HCN1: variants seen among roughly 807,000 people sequenced by gnomAD.
HCN1 encodes the protein hyperpolarization activated cyclic nucleotide gated potassium channel 1, also known as potassium/sodium hyperpolarization-activated cyclic nucleotide-gated channel 1.
HCN1 carries 13 observed loss-of-function variants against 78.9 expected under a neutral mutation model. That is an observed-to-expected ratio of 0.16 (90% CI 0.11 to 0.26). HCN1 has a LOEUF of 0.26. HCN1 is among the 10% of genes least tolerant of loss of function. The probability of loss-of-function intolerance (pLI) is 1.00; values close to 1 mark genes in which losing one functional copy is unlikely to be tolerated. For synonymous variants in HCN1, 552 were observed against 455.5 expected, an observed-to-expected ratio of 1.21 and a Z score of -2.70; for missense variants, 810 against 1,154.3, an observed-to-expected ratio of 0.70 and a Z score of 4.32.
intron 2 of HCN1, among the ~76,000 whole-genome samples, chr5:45,636,685 A>G (rs1341473781): frequency 3.9e-5 from 6 of 152,066 alleles, no homozygotes; most frequent in African/African-American, 1.4e-4. Context: ...CTGTCTGTAC[A>G]AAAGAAAAAT....
At position 45,451,536 on chromosome 5, in the gene HCN1, A is replaced by G. The variant is rs953126745; in HGVS notation, c.1011+10310T>C. ...CAGAATTACAAAAGTTGTAGACTAA[A>G]TGTAATCATAAATAAATGGCACATT... On this transcript the variant is annotated intron_variant, in intron 3 of 7. Coordinates refer to ENST00000303230, the MANE Select transcript of HCN1 (RefSeq NM_021072.4). Among the ~76,000 whole-genome samples the G allele has an allele frequency of 5.9e-5, 9 of 151,892 alleles. No individual in the cohort carries two copies. In the South Asian group the frequency reaches 6.2e-4, roughly 10 times the overall value.
chr5:45,582,670 C>G (rs1197031917), intron 2 of HCN1, among the ~76,000 whole-genome samples: 1 of 152,076 alleles, frequency 6.6e-6, no homozygotes, highest in Non-Finnish European at 1.5e-5. Flanking sequence ...TCATAGATAG[C>G]TCTTATTATT....
chr5:45,470,703 T>C (rs144621840), intron 2 of HCN1, among the ~76,000 whole-genome samples: 1 of 152,086 alleles, frequency 6.6e-6, no homozygotes, highest in Non-Finnish European at 1.5e-5. Context: ...CTTATTTGTA[T>C]AAGTTTGATT....
intron 2 of HCN1, among the ~76,000 whole-genome samples, chr5:45,475,622 ATTATTAT>A (rs1484247949): frequency 8.9e-4 from 135 of 152,244 alleles, no homozygotes; most frequent in African/African-American, 3.2e-3. Flanking sequence ...GGTTACTATC[ATTATTAT>A]CTGGGCTTTC....
intron 5 of HCN1, among the ~76,000 whole-genome samples, chr5:45,328,742 T>C (rs1259703819): frequency 3.3e-5 from 5 of 151,594 alleles, no homozygotes; most frequent in Admixed American, 1.3e-4. Flanking sequence ...AGTTATTCTC[T>C]AGTAACGAAC....
chr5:45,427,538 C>T (rs1740376997), intron 3 of HCN1, among the ~76,000 whole-genome samples: 2 of 152,008 alleles, frequency 1.3e-5, no homozygotes, highest in Non-Finnish European at 2.9e-5. Flanking sequence ...CCTAGGTATC[C>T]TACAAATTAA....
At chr5:45,624,931 G>T (rs1011884659) in intron 2 of HCN1, among the ~76,000 whole-genome samples, 2 of 152,170 alleles carry the variant, frequency 1.3e-5, no homozygotes, top group African/African-American at 4.8e-5. Flanking sequence ...CTGAGATAAT[G>T]AGAAGGCATA....
At chr5:45,377,697 G>A (rs1001225097) in intron 4 of HCN1, among the ~76,000 whole-genome samples, 139 of 152,002 alleles carry the variant, frequency 9.1e-4, no homozygotes, top group African/African-American at 3.3e-3. Flanking sequence ...AATTATTTCC[G>A]GTTTTGTGAC....
chr5:45,299,775 GA>G (rs1487630988), intron 6 of HCN1, among the ~76,000 whole-genome samples: 1 of 151,864 alleles, frequency 6.6e-6, no homozygotes, highest in Non-Finnish European at 1.5e-5. Context: ...CTAAAACAGC[GA>G]ATACTTTTTG....
At chr5:45,535,698 T>C (rs984094930) in intron 2 of HCN1, among the ~76,000 whole-genome samples, 2 of 152,276 alleles carry the variant, frequency 1.3e-5, no homozygotes, top group African/African-American at 4.8e-5. Context: ...TTCATTGTTC[T>C]GCATCAAATA....
chr5:45,300,489 T>C (rs1190186538), intron 6 of HCN1, among the ~76,000 whole-genome samples: 4 of 152,124 alleles, frequency 2.6e-5, no homozygotes, highest in Non-Finnish European at 5.9e-5. Context: ...ATAGTAAATA[T>C]ATTTTCTCTT....
intron 3 of HCN1, among the ~76,000 whole-genome samples, chr5:45,422,518 G>T (rs1046735773): frequency 6.6e-6 from 1 of 151,982 alleles, no homozygotes; most frequent in African/African-American, 2.4e-5. Flanking sequence ...AAAAACCATT[G>T]CTTTGAAGAT....
At chr5:45,326,300 T>C (rs1746232858) in intron 5 of HCN1, among the ~76,000 whole-genome samples, 1 of 151,684 alleles carries the variant, frequency 6.6e-6, no homozygotes, top group Non-Finnish European at 1.5e-5. Context: ...GAAATTTATA[T>C]ATGTATTCCC....
chr5:45,267,935 G>A (rs958328140), intron 6 of HCN1, among the ~76,000 whole-genome samples: 2 of 152,088 alleles, frequency 1.3e-5, no homozygotes, highest in Non-Finnish European at 2.9e-5. Flanking sequence ...TGTCCACAAA[G>A]GAGTTGAAAA....
At chr5:45,308,147 C>T (rs1001849254) in intron 5 of HCN1, among the ~76,000 whole-genome samples, 3 of 152,072 alleles carry the variant, frequency 2.0e-5, no homozygotes, top group Admixed American at 1.3e-4. Flanking sequence ...CCTACTTTCT[C>T]TCTCATGTCC....
At chr5:45,487,336 A>G (rs1241197206) in intron 2 of HCN1, among the ~76,000 whole-genome samples, 2 of 152,128 alleles carry the variant, frequency 1.3e-5, no homozygotes, top group African/African-American at 4.8e-5. Context: ...TGGTAACTAT[A>G]TAGGAAGAAT....
intron 5 of HCN1, among the ~76,000 whole-genome samples, chr5:45,345,676 T>C (rs1482858556): frequency 6.6e-6 from 1 of 152,194 alleles, no homozygotes; most frequent in Admixed American, 6.5e-5. Flanking sequence ...TCTGAGACCA[T>C]CTCAGCCTGG....
intron 6 of HCN1, among the ~76,000 whole-genome samples, chr5:45,276,586 C>T (rs931301046): frequency 4.6e-5 from 7 of 152,064 alleles, no homozygotes; most frequent in Admixed American, 6.6e-5. Flanking sequence ...AAGTTAACCA[C>T]CATTTTCCCT....
intron 2 of HCN1, among the ~76,000 whole-genome samples, chr5:45,526,057 TGGTACC>T (rs1450474365): frequency 2.0e-5 from 3 of 151,994 alleles, no homozygotes; most frequent in Admixed American, 2.0e-4. Flanking sequence ...CTCACCATGT[TGGTACC>T]CTGATCTTAG....
Sources: gnomAD v4.1 joint callset for allele counts (sites outside exome capture counted in the v4.1 genomes callset) on GRCh38, gnomAD v4.1.1 for gene constraint, MANE v1.5 for transcripts, NCBI Gene and HGNC (gene_info 2026-07-23, HGNC 2026-07-21) for gene names.